The following TCERG1L variants were observed in gnomAD, a reference collection of about 807,000 sequenced individuals.
TCERG1L encodes the protein transcription elongation regulator 1 like, also known as transcription elongation regulator 1-like protein.
In TCERG1L, 37 loss-of-function variants were observed where a neutral mutation model predicts 56.3. The ratio of observed to expected loss-of-function variants is 0.66; its 90% confidence interval spans 0.51 to 0.87. The LOEUF is 0.87. Ranked by LOEUF, TCERG1L falls within the 40% of genes least tolerant of loss-of-function variation. The probability of loss-of-function intolerance (pLI) is 0.00; values close to 1 mark genes in which losing one functional copy is unlikely to be tolerated. For synonymous variants in TCERG1L, 324 were observed against 326.3 expected (o/e 0.99, Z 0.08); for missense variants, 799 against 774.2 (o/e 1.03, Z -0.38).
At chr10:131,191,548 T>C (rs1279580322) in intron 4 of TCERG1L, among the ~76,000 whole-genome samples, 1 of 142,872 alleles carries the variant, frequency 7.0e-6, no homozygotes, top group Non-Finnish European at 1.5e-5. Flanking sequence ...CATAGACCAA[T>C]GGAACAGAAT....
At chr10:131,292,276 T>G (rs1387312537) in intron 3 of TCERG1L, among the ~76,000 whole-genome samples, 3 of 152,232 alleles carry the variant, frequency 2.0e-5, no homozygotes, top group Admixed American at 2.0e-4. Flanking sequence ...ACATTTGCAT[T>G]TTTATCAAAC....
At chr10:131,280,363 C>A (rs1448249968) in intron 3 of TCERG1L, among the ~76,000 whole-genome samples, 1 of 148,440 alleles carries the variant, frequency 6.7e-6, no homozygotes, top group Non-Finnish European at 1.5e-5. Flanking sequence ...AATCAATCAA[C>A]ATATGCAAGA....
chr10:131,162,940 G>GT (rs911717798), intron 6 of TCERG1L, 182 bp downstream of exon 6: 13 of 523,168 alleles, frequency 2.5e-5, no homozygotes, highest in African/African-American at 1.3e-4. Context: ...CTTAAATGCT[G>GT]TTTTTTTCTT....
At chr10:131,139,750 A>G (rs1845714999) in intron 7 of TCERG1L, among the ~76,000 whole-genome samples, 1 of 150,500 alleles carries the variant, frequency 6.6e-6, no homozygotes, top group South Asian at 2.1e-4. Context: ...CTGTATGTGT[A>G]CATGTGTGTT....
chr10:131,146,745 C>CGA, intron 6 of TCERG1L, 85 bp from the exon 7 acceptor site: 1 of 1,453,228 alleles, frequency 6.9e-7, no homozygotes, highest in Admixed American at 2.2e-5. Flanking sequence ...CTGAAAAAGC[C>CGA]CCTCAGGACC....
intron 3 of TCERG1L, among the ~76,000 whole-genome samples, chr10:131,294,631 T>G (rs960302159): frequency 6.6e-6 from 1 of 152,168 alleles, no homozygotes; most frequent in Non-Finnish European, 1.5e-5. Context: ...ATCTCACCCT[T>G]CCATGTTTCA....
At chr10:131,268,483 C>A (rs573676932) in intron 3 of TCERG1L, among the ~76,000 whole-genome samples, 2 of 152,168 alleles carry the variant, frequency 1.3e-5, no homozygotes, top group Non-Finnish European at 2.9e-5. Flanking sequence ...GCTGCACTGG[C>A]CCCTAACCAG....
chr10:131,261,927 A>G (rs967843096), intron 3 of TCERG1L, among the ~76,000 whole-genome samples: 1 of 152,224 alleles, frequency 6.6e-6, no homozygotes, highest in Non-Finnish European at 1.5e-5. Context: ...AGGCAAGGCG[A>G]GACTCCCTGC....
In TCERG1L at chr10:131,291,547, C is replaced by T. The variant is rs371695444; in HGVS notation, c.670+16664G>A. 4.7e-5 allele frequency among the ~76,000 whole-genome samples: 7 copies of T among 150,078 alleles called. No individual in the cohort carries two copies. The South Asian group carries it at 1.1e-3, about 23-fold the overall frequency. On this transcript the variant is annotated intron_variant, in intron 3 of 11. Transcript: ENST00000368642. ...GTTCATGCCATTCTCCTGCCTCAGC[C>T]TCCCAAGTAGCTGGGACTACAGGCG...
intron 3 of TCERG1L, among the ~76,000 whole-genome samples, chr10:131,280,199 G>A (rs1846436189): frequency 6.6e-6 from 1 of 152,004 alleles, no homozygotes. Context: ...AGATAAGAGA[G>A]GAATGGTTGC....
rs200878357 is a variant in TCERG1L at position 131,098,175 on chromosome 10, T to C, written c.1604+131A>G. The C allele has an allele frequency of 2.2e-5, 22 of 998,292 alleles. No individual in the cohort carries two copies. In the East Asian group the frequency reaches 5.8e-4, roughly 26 times the overall value. The allele number at this position is 998,292 out of a possible 1,614,324, so 61.8% of individuals were successfully genotyped here. ...GCCAGGCTGGTCTCACTGGCAGGTC[T>C]TCAAAGCTCACACTTTCGTGTCTGT... On this transcript the variant is annotated intron_variant, in intron 11 of 11. Transcript: ENST00000368642.
intron 9 of TCERG1L, among the ~76,000 whole-genome samples, chr10:131,107,393 T>C (rs11017722): frequency 0.15 from 23,538 of 152,190 alleles, 2,102 homozygotes; most frequent in East Asian, 0.35. Flanking sequence ...ATAATCTCTA[T>C]AGAAGGTCAG....
intron 7 of TCERG1L, among the ~76,000 whole-genome samples, chr10:131,136,452 G>T (rs910566861): frequency 2.0e-5 from 3 of 151,884 alleles, no homozygotes; most frequent in African/African-American, 7.3e-5. Context: ...GGCCACCTCC[G>T]TGGCTGCTGC....
At position 131,309,200 on chromosome 10, in the gene TCERG1L, T is replaced by A; in HGVS notation, c.442A>T (p.Thr148Ser). Residue 148 changes from threonine to serine, a missense_variant, in exon 2 of 12, where the codon ACC becomes TCC. Physicochemically the swap from Thr to Ser is moderately conservative, Grantham distance 58 (BLOSUM62 1). Coordinates refer to ENST00000368642, the MANE Select transcript of TCERG1L (RefSeq NM_174937.4). The part of the protein sequence containing the change: ...FPHLCPSALA[T>S]PIGKSWIDKR... ...TCTATCCAACTTTTCCCAATAGGGG[T>A]TGCAAGAGCAGAAGGGCAGAGATGT... The A allele has an allele frequency of 1.9e-6, 3 of 1,610,682 alleles. No homozygotes were observed. Among genetic ancestry groups the A allele is most frequent in the Non-Finnish European group, 2.5e-6 (3 of 1,178,774 alleles).
At chr10:131,163,793 T>C (rs2133432134) in intron 5 of TCERG1L, among the ~76,000 whole-genome samples, 1 of 152,312 alleles carries the variant, frequency 6.6e-6, no homozygotes, top group East Asian at 1.9e-4. Flanking sequence ...GGGATGATTC[T>C]GATTCTGACA....
intron 3 of TCERG1L, among the ~76,000 whole-genome samples, chr10:131,276,706 C>T (rs2133558437): frequency 6.6e-6 from 1 of 152,292 alleles, no homozygotes; most frequent in East Asian, 1.9e-4. Context: ...ACCAAATATG[C>T]TTTTCTCTAC....
chr10:131,248,970 A>C (rs1199692779), intron 4 of TCERG1L, among the ~76,000 whole-genome samples: 1 of 152,134 alleles, frequency 6.6e-6, no homozygotes, highest in Non-Finnish European at 1.5e-5. Flanking sequence ...CGCCCCGGGG[A>C]GAGGCAGGAT....
At chr10:131,167,770 G>A (rs1476030339) in intron 4 of TCERG1L, among the ~76,000 whole-genome samples, 1 of 152,224 alleles carries the variant, frequency 6.6e-6, no homozygotes, top group Non-Finnish European at 1.5e-5. Context: ...AAAGGTGCTT[G>A]TTTCAGGGGA....
intron 4 of TCERG1L, among the ~76,000 whole-genome samples, chr10:131,195,440 C>A (rs987246790): frequency 6.6e-6 from 1 of 152,186 alleles, no homozygotes; most frequent in African/African-American, 2.4e-5. Flanking sequence ...AGGAGGAAAT[C>A]TCCGCTTTTC....
Sources: allele counts gnomAD v4.1 joint callset (sites outside exome capture counted in the v4.1 genomes callset), GRCh38; gene constraint gnomAD v4.1.1; transcripts MANE v1.5; gene names NCBI Gene and HGNC (gene_info 2026-07-23, HGNC 2026-07-21).